Variants in RLN2 observed in about 807,000 individuals in gnomAD.
The protein encoded by RLN2 is prorelaxin H2.
RLN2 carries 10 observed loss-of-function variants against 7.3 expected under a neutral mutation model. The observed-to-expected ratio is 1.36, with a 90% CI of 0.84 to 2.31. The LOEUF (loss-of-function observed/expected upper bound fraction) is 2.31, where lower values mean the gene tolerates loss of function less well. Among genes scored for constraint, RLN2 ranks in the 30% most tolerant of loss-of-function variants. The pLI is 0.00. For missense variants in RLN2, 298 were observed against 217.6 expected (o/e 1.37, Z -2.32); for synonymous variants, 103 against 82.3 (o/e 1.25, Z -1.36).
chr9:5,329,822 C>T, the RLN2 span, among the ~76,000 whole-genome samples: 6 of 151,886 alleles, frequency 4.0e-5, no homozygotes, highest in Non-Finnish European at 8.8e-5. Context: ...GAGACTTTAA[C>T]ACCCCACTGT....
At chr9:5,318,715 T>A in the RLN2 span, among the ~76,000 whole-genome samples, 3 of 151,980 alleles carry the variant, frequency 2.0e-5, no homozygotes, top group Non-Finnish European at 4.4e-5. Context: ...AGAAATTCTG[T>A]TACTTGTTTG....
the RLN2 span, among the ~76,000 whole-genome samples, chr9:5,319,884 G>T: frequency 6.6e-6 from 1 of 151,806 alleles, no homozygotes; most frequent in Middle Eastern, 3.2e-3. Context: ...AATAATAGAA[G>T]AGCAGGTGAA....
Position 5,300,158 on chromosome 9 carries a change from T to A in RLN2, c.498A>T (p.Ala166=). The change falls in exon 2 of 2, where the codon GCA becomes GCT. Residue 166 remains alanine (A), a synonymous_variant. Coordinates refer to ENST00000381627, the MANE Select transcript of RLN2 (RefSeq NM_134441.3). ...CAACATGGCAACATTTATTAGCCAATGCACTGTAGAGTTGTCTCTTTTTTC... is the reference window on the plus strand; with the variant it reads ...CAACATGGCAACATTTATTAGCCAAAGCACTGTAGAGTTGTCTCTTTTTTC... ...HSRKKRQLYS[A]LANKCCHVGC... 8.1e-6 allele frequency: 13 copies of A among 1,611,980 alleles called. No homozygotes were observed. Among genetic ancestry groups the A allele is most frequent in the Non-Finnish European group, 1.1e-5 (13 of 1,179,432 alleles).
At chr9:5,335,201 A>G in the RLN2 span, 4 of 1,161,006 alleles carry the variant, frequency 3.4e-6, no homozygotes, top group Non-Finnish European at 3.7e-6. Flanking sequence ...GTGAAATGTC[A>G]TCAAGACTAT....
the RLN2 span, among the ~76,000 whole-genome samples, chr9:5,313,014 A>C: frequency 6.6e-6 from 1 of 152,028 alleles, no homozygotes; most frequent in Non-Finnish European, 1.5e-5. Flanking sequence ...TCTAGCATGA[A>C]AAATGTTTTG....
the RLN2 span, among the ~76,000 whole-genome samples, chr9:5,323,031 A>T: frequency 6.6e-5 from 10 of 151,752 alleles, no homozygotes; most frequent in South Asian, 6.3e-4. Flanking sequence ...CTTTGCCAGA[A>T]AGAGAGTTAC....
chr9:5,300,094 C>T lies in RLN2; in HGVS notation c.*4G>A, dbSNP rs1247850136. ...TATACGAGATGTGCACAATTAGCTTCATCTCAGCAAAATCTAGCAAGAGAT... is the reference window on the plus strand; with the variant it reads ...TATACGAGATGTGCACAATTAGCTTTATCTCAGCAAAATCTAGCAAGAGAT... On this transcript the variant is annotated 3_prime_UTR_variant, in exon 2 of 2. Transcript: ENST00000381627. 6.3e-7 allele frequency: 1 copy of T among 1,579,632 alleles called. No homozygotes were observed.
At chr9:5,326,084 A>C in the RLN2 span, among the ~76,000 whole-genome samples, 1 of 152,142 alleles carries the variant, frequency 6.6e-6, no homozygotes, top group Admixed American at 6.5e-5. Context: ...TAGGAGCATC[A>C]CATTCAATCT....
the RLN2 span, among the ~76,000 whole-genome samples, chr9:5,336,407 C>G: frequency 6.6e-6 from 1 of 152,026 alleles, no homozygotes; most frequent in African/African-American, 2.4e-5. Flanking sequence ...TGTTCTTACA[C>G]AGCATCCCAG....
chr9:5,300,697 G>C (rs1413536644), intron 1 of RLN2, among the ~76,000 whole-genome samples: 1 of 152,088 alleles, frequency 6.6e-6, no homozygotes, highest in Non-Finnish European at 1.5e-5. Flanking sequence ...GATCCCCTCA[G>C]TGCTTTTATC....
chr9:5,318,448 CA>C, the RLN2 span, among the ~76,000 whole-genome samples: 11 of 151,874 alleles, frequency 7.2e-5, 1 homozygote, highest in East Asian at 1.9e-3. Context: ...ATAGCTCTAG[CA>C]GTTAAATGAT....
At chr9:5,307,670 G>C (rs184089229), upstream of RLN2, among the ~76,000 whole-genome samples, 193 of 152,110 alleles carry the variant, frequency 1.3e-3, 2 homozygotes, top group African/African-American at 4.3e-3. Flanking sequence ...CAAGTTGTAA[G>C]TTTCCTGGGC....
At chr9:5,339,201 G>A in the RLN2 span, 2 of 203,702 alleles carry the variant, frequency 9.8e-6, no homozygotes, top group African/African-American at 3.6e-4. Context: ...GGGTCTCCGG[G>A]CGGCGTCACC....
chr9:5,333,628 G>C, the RLN2 span, among the ~76,000 whole-genome samples: 123 of 152,008 alleles, frequency 8.1e-4, 1 homozygote, highest in East Asian at 9.6e-3. Flanking sequence ...GAAATGATTC[G>C]AAACAACTGA....
At chr9:5,336,941 C>T in the RLN2 span, among the ~76,000 whole-genome samples, 2 of 151,874 alleles carry the variant, frequency 1.3e-5, no homozygotes, top group African/African-American at 2.4e-5. Flanking sequence ...CAGTTGTTCT[C>T]CTTTTACCAA....
At chr9:5,327,296 C>A in the RLN2 span, among the ~76,000 whole-genome samples, 2 of 152,066 alleles carry the variant, frequency 1.3e-5, no homozygotes, top group African/African-American at 4.8e-5. Flanking sequence ...TCACTACTAG[C>A]GCAGCAGTCT....
the RLN2 span, among the ~76,000 whole-genome samples, chr9:5,336,512 A>G: frequency 1.3e-5 from 2 of 152,092 alleles, no homozygotes; most frequent in African/African-American, 4.8e-5. Flanking sequence ...AGCTCCGTTG[A>G]ACATTCATTA....
chr9:5,328,271 G>C, the RLN2 span, among the ~76,000 whole-genome samples: 7 of 152,122 alleles, frequency 4.6e-5, no homozygotes, highest in Admixed American at 2.6e-4. Flanking sequence ...GCATGCACAA[G>C]CTTCAATTGC....
the RLN2 span, among the ~76,000 whole-genome samples, chr9:5,329,797 A>C: frequency 6.6e-6 from 1 of 151,964 alleles, no homozygotes; most frequent in South Asian, 2.1e-4. Context: ...TTAGACTCCC[A>C]CACAATAATA....
Sources: allele counts gnomAD v4.1 joint callset (sites outside exome capture counted in the v4.1 genomes callset), GRCh38; gene constraint gnomAD v4.1.1; transcripts MANE v1.5; gene names NCBI Gene and HGNC (gene_info 2026-07-23, HGNC 2026-07-21).